The following CREB1 variants were observed in gnomAD, a reference collection of about 807,000 sequenced individuals.
The protein encoded by CREB1 is cAMP responsive element binding protein 1.
A neutral mutation model predicts 42.0 loss-of-function variants in CREB1; 2 were observed. The ratio of observed to expected loss-of-function variants is 0.05; its 90% CI spans 0.02 to 0.15. The LOEUF is 0.15. CREB1 is among the 10% of genes least tolerant of loss of function. The probability of loss-of-function intolerance (pLI) is 1.00; values close to 1 mark genes in which losing one functional copy is unlikely to be tolerated. For missense variants in CREB1, 199 were observed against 388.9 expected (o/e 0.51, Z 4.11); for synonymous variants, 123 against 139.9 (o/e 0.88, Z 0.85).
At chr2:207,594,852 TC>T (rs1199483525) in intron 7 of CREB1, among the ~76,000 whole-genome samples, 1 of 152,160 alleles carries the variant, frequency 6.6e-6, no homozygotes, top group Non-Finnish European at 1.5e-5. Context: ...ACACAAGAGT[TC>T]CAGTTTCCTC....
Position 207,596,935 on chromosome 2 carries a change from T to C in CREB1, c.861T>C (p.Arg287=), listed in dbSNP as rs145164313. 4 of 1,610,670 alleles carry C rather than the reference T, an allele frequency of 2.5e-6. No homozygotes were observed. Among genetic ancestry groups the C allele is most frequent in the Non-Finnish European group, 2.5e-6 (3 of 1,179,174 alleles). Residue 287 remains arginine (R), a synonymous_variant, in exon 8 of 8, where the codon CGT becomes CGC. Transcript: ENST00000353267. The stretch of plus-strand genomic sequence containing the variant: ...GTAGGGAAGCAGCTCGAGAGTGTCG[T>C]AGAAAGAAGAAAGAATATGTGAAAT... The part of the protein sequence containing the change: ...MKNREAAREC[R]RKKKEYVKCL...
chr2:207,541,670 C>CT (rs1355419093), intron 1 of CREB1, among the ~76,000 whole-genome samples: 3 of 152,140 alleles, frequency 2.0e-5, no homozygotes, highest in Admixed American at 6.5e-5. Flanking sequence ...ATCATAGATT[C>CT]TTTTTTAAAC....
chr2:207,582,840 C>T, intron 7 of CREB1: 3 of 336,876 alleles, frequency 8.9e-6, no homozygotes, highest in East Asian at 1.3e-4. Context: ...TTGCAGTGAG[C>T]TGAGATGGCA....
intron 1 of CREB1, among the ~76,000 whole-genome samples, chr2:207,553,188 C>T (rs975048249): frequency 1.3e-5 from 2 of 151,110 alleles, no homozygotes; most frequent in Non-Finnish European, 2.9e-5. Context: ...CCTGCCTCAG[C>T]CTCCCGAGTA....
chr2:207,545,464 C>T (rs1376150012), intron 1 of CREB1, among the ~76,000 whole-genome samples: 1 of 152,158 alleles, frequency 6.6e-6, no homozygotes, highest in Non-Finnish European at 1.5e-5. Context: ...GCCTTGGCCT[C>T]CCAAAGTGCT....
chr2:207,577,467 A>G lies in CREB1; in HGVS notation c.689-38A>G, dbSNP rs201203732. 249 of 1,601,590 alleles carry G rather than the reference A, an allele frequency of 1.6e-4. 1 individual carries two copies. The highest frequency in any genetic ancestry group is 3.3e-5 in the Non-Finnish European group (39 of 1,171,158). ...ATACACATAATTGAATCAAGTTGCA[A>G]TGTTTCTGTCTTACACCATGCTCAC... is the stretch of plus-strand genomic sequence containing the variant. On this transcript the variant is annotated intron_variant, in intron 6 of 7. Coordinates refer to ENST00000353267, the MANE Select transcript of CREB1 (RefSeq NM_004379.5).
intron 5 of CREB1, among the ~76,000 whole-genome samples, chr2:207,570,899 G>A (rs1327575058): frequency 6.6e-6 from 1 of 151,824 alleles, no homozygotes; most frequent in African/African-American, 2.4e-5. Context: ...TTTCTATGAT[G>A]TCTCTGTCTG....
At position 207,597,603 on chromosome 2, in the gene CREB1, T is replaced by C; in HGVS notation, c.*545T>C. 2 of 209,306 alleles carry C rather than the reference T, an allele frequency of 9.6e-6. No individual in the cohort carries two copies. 13.0% of individuals were successfully genotyped at this position (209,306 alleles called of 1,614,324 possible). A position where few individuals can be genotyped will look rare whatever the true frequency, so the allele number is the denominator to read the frequency against. On this transcript the variant is annotated 3_prime_UTR_variant, in exon 8 of 8. Transcript: ENST00000353267. The stretch of plus-strand genomic sequence containing the variant: ...TCTAAAAAAGAACTTTAGCATGGTA[T>C]TGAAGGAATTAGAAATGAATTTGGA...
At chr2:207,594,967 C>A (rs1213257138) in intron 7 of CREB1, among the ~76,000 whole-genome samples, 1 of 149,276 alleles carries the variant, frequency 6.7e-6, no homozygotes, top group East Asian at 1.9e-4. Flanking sequence ...TTGCATTTCC[C>A]TAGTGATTAG....
chr2:207,556,204 A>C (rs544891245), intron 2 of CREB1, among the ~76,000 whole-genome samples: 2 of 152,314 alleles, frequency 1.3e-5, no homozygotes, highest in African/African-American at 4.8e-5. Flanking sequence ...GGATGATAGC[A>C]GTTTTTGTTT....
intron 3 of CREB1, among the ~76,000 whole-genome samples, chr2:207,562,505 T>G (rs1384732284): frequency 6.6e-6 from 1 of 152,192 alleles, no homozygotes; most frequent in Non-Finnish European, 1.5e-5. Flanking sequence ...GTATTCATCT[T>G]TAAGGAACAC....
At chr2:207,569,155 A>AT (rs964038157) in intron 4 of CREB1, among the ~76,000 whole-genome samples, 19 of 151,790 alleles carry the variant, frequency 1.3e-4, no homozygotes, top group Admixed American at 5.9e-4. Context: ...TGTTTCCAGT[A>AT]TTTTTTTTCC....
intron 2 of CREB1, among the ~76,000 whole-genome samples, chr2:207,557,417 T>C (rs2081772266): frequency 1.3e-5 from 2 of 152,178 alleles, no homozygotes; most frequent in Admixed American, 1.3e-4. Flanking sequence ...GTGTGATGGC[T>C]CACACCTATA....
chr2:207,595,396 C>CA (rs370083940), intron 7 of CREB1, among the ~76,000 whole-genome samples: 92 of 152,118 alleles, frequency 6.0e-4, no homozygotes, highest in Middle Eastern at 3.4e-3. Context: ...CTGTTGAGTT[C>CA]AAAAGTTCTT....
rs1307629962 is a variant in CREB1, at chr2:207,583,154, T to TCTCTTA, written c.839+5499_839+5500insCTCTTA. 5.9e-5 allele frequency among the ~76,000 whole-genome samples: 9 copies of TCTCTTA among 152,210 alleles called. No individual in the cohort carries two copies. The South Asian group carries it at 1.9e-3, about 32-fold the overall frequency. ...TAATCTAGAGGTGATTTTAAGTATATAGGGGGATTCATATAGGTTATATGC... is the reference window on the plus strand; with the variant it reads ...TAATCTAGAGGTGATTTTAAGTATATCTCTTAAGGGGGATTCATATAGGTTATATGC... On this transcript the variant is annotated intron_variant, in intron 7 of 7. Coordinates refer to ENST00000353267, the MANE Select transcript of CREB1 (RefSeq NM_004379.5).
chr2:207,557,464 C>T (rs1361331404), intron 2 of CREB1, among the ~76,000 whole-genome samples: 1 of 152,126 alleles, frequency 6.6e-6, no homozygotes, highest in African/African-American at 2.4e-5. Flanking sequence ...AGGCGGATCA[C>T]GAGGTTAGGA....
chr2:207,582,792 C>A, intron 7 of CREB1: 1 of 278,572 alleles, frequency 3.6e-6, no homozygotes, highest in Non-Finnish European at 7.3e-6. Context: ...ACTCAGGCGG[C>A]TGAGGCAGAA....
rs1025938781 is a variant in CREB1, at chr2:207,604,975, G to T, written c.*7917G>T. Among the ~76,000 whole-genome samples, 6 of 152,056 alleles carry T rather than the reference G, an allele frequency of 3.9e-5. No homozygotes were observed. The highest frequency in any genetic ancestry group is 8.8e-5 in the Non-Finnish European group (6 of 68,010). ...TGTAGATATATACCACAAGTTTATC[G>T]ATTCATCCAGTTGAGTTGTTTCTAC... is the stretch of plus-strand genomic sequence containing the variant. On this transcript the variant is annotated 3_prime_UTR_variant, in exon 8 of 8. Coordinates refer to ENST00000353267, the MANE Select transcript of CREB1 (RefSeq NM_004379.5).
intron 7 of CREB1, among the ~76,000 whole-genome samples, chr2:207,578,688 A>C (rs1181990595): frequency 6.6e-6 from 1 of 152,194 alleles, no homozygotes; most frequent in East Asian, 1.9e-4. Flanking sequence ...TTGTTCCTAA[A>C]ATATTCTTAG....
Sources: gnomAD v4.1 joint callset for allele counts (sites outside exome capture counted in the v4.1 genomes callset) on GRCh38, gnomAD v4.1.1 for gene constraint, MANE v1.5 for transcripts, NCBI Gene and HGNC (gene_info 2026-07-23, HGNC 2026-07-21) for gene names.